The following CARM1 variants were observed in gnomAD, a reference collection of about 807,000 sequenced individuals.
CARM1 encodes coactivator associated arginine methyltransferase 1.
CARM1 carries 14 observed loss-of-function variants against 72.7 expected under a neutral mutation model. That is an observed-to-expected ratio of 0.19 (90% CI 0.13 to 0.30). The LOEUF (loss-of-function observed/expected upper bound fraction) is 0.30. Among genes scored for constraint, CARM1 ranks in the 10% least tolerant of loss-of-function variants. The pLI is 1.00. For missense variants in CARM1, 432 were observed against 833.7 expected (o/e 0.52, Z 5.93); for synonymous variants, 333 against 345.5 (o/e 0.96, Z 0.40).
At chr19:10,891,583 C>T (rs932492026) in intron 1 of CARM1, among the ~76,000 whole-genome samples, 6 of 152,354 alleles carry the variant, frequency 3.9e-5, no homozygotes, top group Admixed American at 3.3e-4. Flanking sequence ...TCCCACTCCC[C>T]TCCCCCAGCC....
At chr19:10,902,036 G>T (rs2074070151) in intron 1 of CARM1, among the ~76,000 whole-genome samples, 2 of 151,998 alleles carry the variant, frequency 1.3e-5, no homozygotes, top group Admixed American at 1.3e-4. Context: ...TTGAGCTCAG[G>T]AGCTCAAGAC....
intron 1 of CARM1, among the ~76,000 whole-genome samples, chr19:10,892,222 ATC>A (rs1319083390): frequency 6.5e-4 from 99 of 152,366 alleles, no homozygotes; most frequent in African/African-American, 2.4e-3. Context: ...ATCCAGGTGT[ATC>A]TCTGCAAGTA....
chr19:10,875,778 T>C (rs2073859992), intron 1 of CARM1, among the ~76,000 whole-genome samples: 1 of 151,858 alleles, frequency 6.6e-6, no homozygotes, highest in Non-Finnish European at 1.5e-5. Context: ...GCCCACTTTA[T>C]ATCTAGGATG....
At chr19:10,873,624 GTTTTTTTTTTTTTTTTTTTT>G (rs1169565864) in intron 1 of CARM1, among the ~76,000 whole-genome samples, 2 of 47,342 alleles carry the variant, frequency 4.2e-5, no homozygotes, top group South Asian at 1.0e-3. Context: ...TTTTAGTTTA[GTTTTTTTTTTTTTTTTTTTT>G]TTTTTTTTTT....
intron 1 of CARM1, among the ~76,000 whole-genome samples, chr19:10,889,267 A>G (rs1264710137): frequency 6.6e-6 from 1 of 151,890 alleles, no homozygotes; most frequent in Non-Finnish European, 1.5e-5. Flanking sequence ...GCTGCCTCTC[A>G]GCCCTGCCCA....
chr19:10,922,021 T>G lies in CARM1; in HGVS notation c.*264T>G. On this transcript the variant is annotated 3_prime_UTR_variant, in exon 16 of 16. Transcript: ENST00000327064. ...CCCTCGTCCCCCCTCCTGCCCGCTC[T>G]ACCCTGACCTGGGCTTGTCATCTGC... is the stretch of plus-strand genomic sequence containing the variant. The G allele has an allele frequency of 9.6e-6, 3 of 313,576 alleles. No individual in the cohort carries two copies. Among genetic ancestry groups the G allele is most frequent in the East Asian group, 6.3e-5 (1 of 15,764 alleles). 19.4% of individuals were successfully genotyped at this position (313,576 alleles called of 1,614,324 possible).
chr19:10,921,262 C>T (rs1483810721), intron 14 of CARM1, 113 bp from the exon 15 acceptor site: 26 of 1,452,274 alleles, frequency 1.8e-5, no homozygotes, highest in African/African-American at 2.8e-5. Context: ...GGCTCTCGGC[C>T]GAGGCTCTCC....
At chr19:10,893,499 C>T (rs1184525936) in intron 1 of CARM1, among the ~76,000 whole-genome samples, 5 of 152,192 alleles carry the variant, frequency 3.3e-5, no homozygotes, top group South Asian at 2.1e-4. Flanking sequence ...CTACCACGCC[C>T]GGCTAATTTT....
chr19:10,921,600 T>C lies in CARM1; in HGVS notation c.1685-15T>C. 6.2e-7 allele frequency: 1 copy of C among 1,603,758 alleles called. No homozygotes were observed. Among genetic ancestry groups the C allele is most frequent in the African/African-American group, 1.3e-5 (1 of 74,844 alleles). Reference sequence around the variant, plus strand: ...GGGCCAGGGCAGCCCCTCACTGCCATTGCCTGCTCCACAGGGTCCTCCGGC... The same window carrying C: ...GGGCCAGGGCAGCCCCTCACTGCCACTGCCTGCTCCACAGGGTCCTCCGGC... On this transcript the variant is annotated splice_polypyrimidine_tract_variant and intron_variant, in intron 15 of 15. Coordinates refer to ENST00000327064, the MANE Select transcript of CARM1 (RefSeq NM_199141.2).
intron 1 of CARM1, among the ~76,000 whole-genome samples, chr19:10,902,635 T>C (rs1410650610): frequency 4.1e-5 from 6 of 148,084 alleles, no homozygotes; most frequent in Admixed American, 1.4e-4. Flanking sequence ...TGAGACATGC[T>C]CTTATTCTTG....
intron 4 of CARM1, among the ~76,000 whole-genome samples, chr19:10,911,298 G>A (rs1396708774): frequency 2.6e-5 from 4 of 152,080 alleles, no homozygotes; most frequent in East Asian, 1.9e-4. Flanking sequence ...CCTGGGTCAC[G>A]CCCCCCTAGC....
Position 10,915,401 on chromosome 19 carries a change from G to A in CARM1, c.848-1006G>A, listed in dbSNP as rs1568355968. 6.6e-6 allele frequency among the ~76,000 whole-genome samples: 1 copy of A among 152,216 alleles called. No homozygotes were observed. The highest frequency in any genetic ancestry group is 2.1e-4 in the South Asian group (1 of 4,828). On this transcript the variant is annotated intron_variant, in intron 6 of 15. Transcript: ENST00000327064. This position sits in a 1 kb window ranked among gnomAD's most constrained non-coding sequence, Gnocchi z 4.6. ...CCAGCAGCCAGCTTGCAGGGAGGGG[G>A]GAGGCCAGGCCTGTGCAAGGAGGAC... is the stretch of plus-strand genomic sequence containing the variant.
intron 1 of CARM1, among the ~76,000 whole-genome samples, chr19:10,881,575 A>C (rs987908078): frequency 6.7e-5 from 10 of 149,322 alleles, no homozygotes; most frequent in African/African-American, 2.5e-4. Flanking sequence ...TCTGAGCAGG[A>C]GGTCACAGGT....
At position 10,916,607 on chromosome 19, in the gene CARM1, A is replaced by G; in HGVS notation, c.939-89A>G. 1 of 1,394,616 alleles carries G rather than the reference A, an allele frequency of 7.2e-7. No homozygotes were observed. The highest frequency in any genetic ancestry group is 1.0e-6 in the Non-Finnish European group (1 of 1,002,522). The allele number at this position is 1,394,616 out of a possible 1,614,324, so 86.4% of individuals were successfully genotyped here. On this transcript the variant is annotated intron_variant, in intron 7 of 15. Coordinates refer to ENST00000327064, the MANE Select transcript of CARM1 (RefSeq NM_199141.2). The surrounding 1 kb of genome is among the most constrained non-coding windows in gnomAD (Gnocchi z 4.4). ...TCTTTTTCTGAAAGACTTGGGCTAGATGAGGGCTGACTGGGAGAGAAGGCA... is the reference window on the plus strand; with the variant it reads ...TCTTTTTCTGAAAGACTTGGGCTAGGTGAGGGCTGACTGGGAGAGAAGGCA...
intron 1 of CARM1, among the ~76,000 whole-genome samples, chr19:10,873,094 G>A (rs1431913152): frequency 6.6e-6 from 1 of 152,116 alleles, no homozygotes; most frequent in African/African-American, 2.4e-5. Flanking sequence ...AGAGGGGAAG[G>A]AGGGTATTTC....
At chr19:10,918,521 C>T (rs1416490345) in intron 8 of CARM1, among the ~76,000 whole-genome samples, 1 of 152,172 alleles carries the variant, frequency 6.6e-6, no homozygotes, top group Non-Finnish European at 1.5e-5. Context: ...CTGCACCTGG[C>T]GTTGAGCCTC....
intron 4 of CARM1, among the ~76,000 whole-genome samples, chr19:10,909,531 C>G (rs535976497): frequency 1.3e-5 from 2 of 151,838 alleles, no homozygotes; most frequent in African/African-American, 2.4e-5. Flanking sequence ...GTCAGGAGAT[C>G]GAGACCATCC....
chr19:10,882,534 C>CTTTTTT (rs869046901), intron 1 of CARM1, among the ~76,000 whole-genome samples: 44 of 85,962 alleles, frequency 5.1e-4, no homozygotes, highest in East Asian at 1.4e-3. Flanking sequence ...TGCACTCTGT[C>CTTTTTT]TTTTTTTTTT....
chr19:10,881,552 C>T (rs891722591), intron 1 of CARM1, among the ~76,000 whole-genome samples: 10 of 151,094 alleles, frequency 6.6e-5, no homozygotes, highest in South Asian at 4.2e-4. Flanking sequence ...AGCCAAGGGG[C>T]GGTCACTGGA....
Sources: allele counts gnomAD v4.1 joint callset (sites outside exome capture counted in the v4.1 genomes callset), GRCh38; gene constraint gnomAD v4.1.1; non-coding constraint Gnocchi (gnomAD v3.1); transcripts MANE v1.5; gene names NCBI Gene and HGNC (gene_info 2026-07-23, HGNC 2026-07-21).